Variants in SORCS2 observed in about 807,000 individuals in gnomAD.
SORCS2 encodes VPS10 domain-containing receptor SorCS2.
In SORCS2, 100 loss-of-function variants were observed where a neutral mutation model predicts 141.6. The ratio of observed to expected loss-of-function variants is 0.71; its 90% CI spans 0.60 to 0.83. SORCS2 has a LOEUF of 0.83. Ranked by LOEUF, SORCS2 falls within the 40% of genes least tolerant of loss-of-function variation. SORCS2 has a pLI of 0.00. For synonymous variants in SORCS2, 789 were observed against 676.9 expected (o/e 1.17, Z -2.57); for missense variants, 1,646 against 1,560.2 (o/e 1.05, Z -0.93).
At chr4:7,456,114 C>T (rs900769749) in intron 2 of SORCS2, among the ~76,000 whole-genome samples, 9 of 152,138 alleles carry the variant, frequency 5.9e-5, no homozygotes, top group African/African-American at 2.2e-4. Context: ...GTGTCTGTTT[C>T]CTGATCTCCT....
At chr4:7,212,227 C>A (rs114712793) in intron 1 of SORCS2, among the ~76,000 whole-genome samples, 2 of 152,302 alleles carry the variant, frequency 1.3e-5, no homozygotes, top group South Asian at 2.1e-4. Flanking sequence ...GTAGCCCACA[C>A]GGCACAGGTC....
At chr4:7,616,090 G>A (rs1421313463) in intron 3 of SORCS2, among the ~76,000 whole-genome samples, 1 of 152,154 alleles carries the variant, frequency 6.6e-6, no homozygotes. Flanking sequence ...CTGGACTCTA[G>A]CCTATAGGAA....
intron 1 of SORCS2, among the ~76,000 whole-genome samples, chr4:7,388,747 G>A (rs898815986): frequency 6.6e-6 from 1 of 152,192 alleles, no homozygotes; most frequent in Non-Finnish European, 1.5e-5. Flanking sequence ...GAGTGGGCAC[G>A]GGAGATCTCC....
chr4:7,542,414 A>G (rs914703103), intron 3 of SORCS2, among the ~76,000 whole-genome samples: 1 of 152,174 alleles, frequency 6.6e-6, no homozygotes, highest in African/African-American at 2.4e-5. Flanking sequence ...AAACGAGAAG[A>G]GACTCAGAGA....
rs62290707 is a variant in SORCS2 at position 7,663,838 on chromosome 4, G to T, written c.953-515G>T. ...AGCTTCCTGAGGCCTCCAGGATCTAGCCCCTCCACATAAATTTGCCCCGGG... is the reference window on the plus strand; with the variant it reads ...AGCTTCCTGAGGCCTCCAGGATCTATCCCCTCCACATAAATTTGCCCCGGG... On this transcript the variant is annotated intron_variant, in intron 6 of 26. Transcript: ENST00000507866. This position sits in a 1 kb window ranked among gnomAD's most constrained non-coding sequence, Gnocchi z 4.8. 0.016 allele frequency among the ~76,000 whole-genome samples: 2,384 copies of T among 152,260 alleles called. 28 individuals are homozygous for T. The highest frequency in any genetic ancestry group is 0.041 in the Middle Eastern group (12 of 294).
At position 7,704,171 on chromosome 4, in the gene SORCS2, T is replaced by C. The variant is rs915714617; in HGVS notation, c.1761-6T>C. 5 of 1,610,668 alleles carry C rather than the reference T, an allele frequency of 3.1e-6. 1 individual carries two copies. The highest frequency in any genetic ancestry group is 3.4e-6 in the Non-Finnish European group (4 of 1,178,710). On this transcript the variant is annotated splice_region_variant and splice_polypyrimidine_tract_variant and intron_variant, in intron 13 of 26. Coordinates refer to ENST00000507866, the MANE Select transcript of SORCS2 (RefSeq NM_020777.3). ...CCCAGAGATGCTGACGATCTTCTCC[T>C]GGCAGGTTCAGTGTGGACGAGGGCC...
In SORCS2 at chr4:7,302,380, C is replaced by G. The variant is rs76439584; in HGVS notation, c.481-93908C>G. ...AAAGCCAAGGTCACGACCGGATCCT[C>G]CATGCTGGTCCATGGCTGTGGGCAC... On this transcript the variant is annotated intron_variant, in intron 1 of 26. Transcript: ENST00000507866. 1.8e-4 allele frequency among the ~76,000 whole-genome samples: 28 copies of G among 152,344 alleles called. 1 individual carries two copies. The East Asian group carries it at 5.4e-3, about 29-fold the overall frequency.
rs182613169 is a variant in SORCS2, at chr4:7,314,990, C to A, written c.481-81298C>A. Among the ~76,000 whole-genome samples, 375 of 152,188 alleles carry A rather than the reference C, an allele frequency of 2.5e-3. 6 individuals are homozygous for A. The highest frequency in any genetic ancestry group is 0.014 in the Middle Eastern group (4 of 294). On this transcript the variant is annotated intron_variant, in intron 1 of 26. Coordinates refer to ENST00000507866, the MANE Select transcript of SORCS2 (RefSeq NM_020777.3). ...GGAATTACAGGTGCTCGCCACCATG[C>A]CCAGTTAATTTTTTGTATTTTTAGT...
chr4:7,375,570 A>C (rs1722586579), intron 1 of SORCS2, among the ~76,000 whole-genome samples: 1 of 152,244 alleles, frequency 6.6e-6, no homozygotes, highest in African/African-American at 2.4e-5. Flanking sequence ...ATGAGATGCC[A>C]GATTGCACTT....
At chr4:7,295,816 C>T (rs1175351405) in intron 1 of SORCS2, among the ~76,000 whole-genome samples, 1 of 152,236 alleles carries the variant, frequency 6.6e-6, no homozygotes, top group Non-Finnish European at 1.5e-5. Flanking sequence ...ATGGGCATTC[C>T]CACACCTCTC....
At position 7,703,234 on chromosome 4, in the gene SORCS2, C is replaced by T. The variant is rs773277455; in HGVS notation, c.1669-46C>T. Reference sequence around the variant, plus strand: ...GAGCCGCTCAGCCTGGAACAACCTCCGACCTTCTCAGGCCCTGCCCTCAGC... The same window carrying T: ...GAGCCGCTCAGCCTGGAACAACCTCTGACCTTCTCAGGCCCTGCCCTCAGC... On this transcript the variant is annotated intron_variant, in intron 12 of 26. Coordinates refer to ENST00000507866, the MANE Select transcript of SORCS2 (RefSeq NM_020777.3). 1.0e-4 allele frequency: 153 copies of T among 1,513,028 alleles called. 1 individual carries two copies. Among genetic ancestry groups the T allele is most frequent in the African/African-American group, 2.5e-4 (18 of 72,330 alleles). The allele number at this position is 1,513,028 out of a possible 1,614,324, so 93.7% of individuals were successfully genotyped here. A position where few individuals can be genotyped will look rare whatever the true frequency, so the allele number is the denominator to read the frequency against.
chr4:7,604,912 G>C (rs546672817), intron 3 of SORCS2, among the ~76,000 whole-genome samples: 19 of 152,260 alleles, frequency 1.2e-4, no homozygotes, highest in Admixed American at 2.6e-4. Flanking sequence ...CCTTGGATTT[G>C]TCTCCTGACC....
intron 1 of SORCS2, among the ~76,000 whole-genome samples, chr4:7,342,459 C>T (rs998425387): frequency 2.6e-5 from 4 of 152,286 alleles, no homozygotes; most frequent in South Asian, 2.1e-4. Flanking sequence ...CTGGTGAATC[C>T]GAGGGGGAAG....
At chr4:7,443,423 A>G (rs1238206589) in intron 2 of SORCS2, among the ~76,000 whole-genome samples, 1 of 152,180 alleles carries the variant, frequency 6.6e-6, no homozygotes, top group Non-Finnish European at 1.5e-5. Context: ...CTGAGCGCAC[A>G]GCCGCGAATG....
chr4:7,292,331 C>A (rs1295155792), intron 1 of SORCS2, among the ~76,000 whole-genome samples: 1 of 152,198 alleles, frequency 6.6e-6, no homozygotes, highest in Non-Finnish European at 1.5e-5. Flanking sequence ...CATTCGCAGT[C>A]TGTTCACCAA....
At chr4:7,283,949 G>C (rs1259667304) in intron 1 of SORCS2, among the ~76,000 whole-genome samples, 1 of 152,184 alleles carries the variant, frequency 6.6e-6, no homozygotes, top group Non-Finnish European at 1.5e-5. Context: ...TTGGCCTCTA[G>C]GAATCTGAGT....
intron 3 of SORCS2, among the ~76,000 whole-genome samples, chr4:7,568,103 G>T (rs928233921): frequency 6.6e-6 from 1 of 152,116 alleles, no homozygotes; most frequent in Non-Finnish European, 1.5e-5. Context: ...TGCTTTTATT[G>T]GAGAATGGTA....
At chr4:7,481,834 A>T (rs950138724) in intron 2 of SORCS2, among the ~76,000 whole-genome samples, 1 of 152,110 alleles carries the variant, frequency 6.6e-6, no homozygotes, top group Non-Finnish European at 1.5e-5. Context: ...AACGCTGGCA[A>T]CGGCGACCTT....
intron 3 of SORCS2, among the ~76,000 whole-genome samples, chr4:7,622,957 C>A (rs1192879815): frequency 6.6e-6 from 1 of 152,124 alleles, no homozygotes; most frequent in African/African-American, 2.4e-5. Context: ...CCTGTCCAGA[C>A]CCCAGAGCCA....
Sources: allele counts gnomAD v4.1 joint callset (sites outside exome capture counted in the v4.1 genomes callset), GRCh38; gene constraint gnomAD v4.1.1; non-coding constraint Gnocchi (gnomAD v3.1); transcripts MANE v1.5; gene names NCBI Gene and HGNC (gene_info 2026-07-23, HGNC 2026-07-21).